Variants in SLITRK4 observed in about 807,000 individuals in gnomAD.
SLITRK4 encodes SLIT and NTRK-like protein 4.
SLITRK4 carries 7 observed loss-of-function variants against 34.7 expected under a neutral mutation model. That is an observed-to-expected ratio of 0.20 (90% confidence interval 0.11 to 0.38). The LOEUF is 0.38. Among genes scored for constraint, SLITRK4 ranks in the 10% least tolerant of loss-of-function variants. SLITRK4 has a pLI of 1.00. For missense variants in SLITRK4, 474 were observed against 607.0 expected, an observed-to-expected ratio of 0.78 and a Z score of 2.30; for synonymous variants, 237 against 246.2, an observed-to-expected ratio of 0.96 and a Z score of 0.35.
chrX:143,629,466 T>C lies in SLITRK4; in HGVS notation c.1643A>G (p.Lys548Arg). The change falls in exon 2 of 2, where the codon AAG (lysine) becomes AGG (arginine). Residue 548 changes from lysine to arginine, a missense_variant. This residue lies in a region of SLITRK4 where 345 missense variants were observed against 406.5 expected (regional missense o/e 0.85). Coordinates refer to ENST00000356928, the MANE Select transcript of SLITRK4 (RefSeq NM_001184749.3). ...DLVALKLWVE[K>R]LSDGIVVKEL... ...TTTCACAACAATCCCGTCGCTCAAC[T>C]TCTCCACCCACAGCTTTAATGCCAC... 4 of 1,211,872 alleles carry C rather than the reference T, an allele frequency of 3.3e-6. No homozygotes were observed. Among genetic ancestry groups the C allele is most frequent in the Non-Finnish European group, 4.5e-6 (4 of 895,567 alleles).
In SLITRK4 at chrX:143,622,868, G is replaced by C. The variant is rs1428403581; in HGVS notation, c.*5727C>G. The C allele has an allele frequency of 9.0e-6, 1 of 111,605 alleles. No individual in the cohort carries two copies. Among genetic ancestry groups the C allele is most frequent in the East Asian group, 2.8e-4 (1 of 3,555 alleles). The allele number at this position is 111,605 out of a possible 1,213,427, so 9.2% of individuals were successfully genotyped here. On this transcript the variant is annotated 3_prime_UTR_variant, in exon 2 of 2. Coordinates refer to ENST00000356928, the MANE Select transcript of SLITRK4 (RefSeq NM_001184749.3). The stretch of plus-strand genomic sequence containing the variant: ...ATCAACTCCAAAAGTTTACCACAAT[G>C]GTTCAGTTTACATGAAACAATGATG...
At position 143,628,091 on chromosome X, in the gene SLITRK4, C is replaced by CTTTTTTTTTTTTTTTTGTTTTTTTT. The variant is rs1930857993; in HGVS notation, c.*503_*504insAAAAAAAACAAAAAAAAAAAAAAAA. On this transcript the variant is annotated 3_prime_UTR_variant, in exon 2 of 2. Coordinates refer to ENST00000356928, the MANE Select transcript of SLITRK4 (RefSeq NM_001184749.3). ...CTATCGAGTGTTCTCTCTTTGCATGCTTTTTTTTTTTTTTTTTTTTTTTTT... is the reference window on the plus strand; with the variant it reads ...CTATCGAGTGTTCTCTCTTTGCATGCTTTTTTTTTTTTTTTTGTTTTTTTTTTTTTTTTTTTTTTTTTTTTTTTTT... 1 of 72,816 alleles carries CTTTTTTTTTTTTTTTTGTTTTTTTT rather than the reference C, an allele frequency of 1.4e-5. No homozygotes were observed. Among genetic ancestry groups the CTTTTTTTTTTTTTTTTGTTTTTTTT allele is most frequent in the Non-Finnish European group, 2.2e-5 (1 of 45,766 alleles). 6.0% of individuals were successfully genotyped at this position (72,816 alleles called of 1,213,427 possible).
At position 143,630,581 on chromosome X, in the gene SLITRK4, T is replaced by C; in HGVS notation, c.528A>G (p.Arg176=). The change falls in exon 2 of 2, where the codon CGA becomes CGG. Residue 176 remains arginine, a synonymous_variant. Coordinates refer to ENST00000356928, the MANE Select transcript of SLITRK4 (RefSeq NM_001184749.3). ...TATCCAGATGGGTCAAAGATGCGAA[T>C]CGGAAAATATTATCAGGAAGGAATG... The part of the protein sequence containing the change: ...LISFLPDNIF[R]FASLTHLDIR... 8.3e-7 allele frequency: 1 copy of C among 1,211,240 alleles called. No homozygotes were observed. The highest frequency in any genetic ancestry group is 1.1e-6 in the Non-Finnish European group (1 of 895,416).
intron 1 of SLITRK4, among the ~76,000 whole-genome samples, chrX:143,635,481 AACACACACACACACACAC>A (rs782006427): frequency 9.6e-4 from 53 of 55,249 alleles, no homozygotes; most frequent in African/African-American, 3.3e-3. Context: ...ATAACGAAGG[AACACACACACACACACAC>A]ACACACACAC....
At position 143,624,527 on chromosome X, in the gene SLITRK4, A is replaced by G. The variant is rs1391368881; in HGVS notation, c.*4068T>C. 1.9e-5 allele frequency: 2 copies of G among 102,923 alleles called. No homozygotes were observed. The highest frequency in any genetic ancestry group is 6.6e-5 in the African/African-American group (2 of 30,311). The allele number at this position is 102,923 out of a possible 1,213,427, so 8.5% of individuals were successfully genotyped here. A position where few individuals can be genotyped will look rare whatever the true frequency, so the allele number is the denominator to read the frequency against. ...CAGTGGGAAGGAACACAGATTGAAA[A>G]TATGTTTCTAAAGAAAGCGTTTTTT... On this transcript the variant is annotated 3_prime_UTR_variant, in exon 2 of 2. Coordinates refer to ENST00000356928, the MANE Select transcript of SLITRK4 (RefSeq NM_001184749.3).
At position 143,630,665 on chromosome X, in the gene SLITRK4, T is replaced by A; in HGVS notation, c.444A>T (p.Arg148=). ...ADYNLIKYIE[R]GAFNKLHKLK... is the part of the protein sequence containing the mutation. ...GTTTGTGGAGCTTATTGAAGGCTCC[T>A]CGTTCAATATACTTGATTAAATTGT... The change falls in exon 2 of 2, where the codon CGA becomes CGT. Residue 148 remains arginine, a synonymous_variant. Coordinates refer to ENST00000356928, the MANE Select transcript of SLITRK4 (RefSeq NM_001184749.3). 1 of 1,211,020 alleles carries A rather than the reference T, an allele frequency of 8.3e-7. No homozygotes were observed. Among genetic ancestry groups the A allele is most frequent in the Non-Finnish European group, 1.1e-6 (1 of 894,998 alleles).
chrX:143,628,195 C>T lies in SLITRK4; in HGVS notation c.*400G>A, dbSNP rs1930875147. 1.0e-5 allele frequency: 2 copies of T among 193,251 alleles called. No individual in the cohort carries two copies. The highest frequency in any genetic ancestry group is 1.8e-5 in the Non-Finnish European group (2 of 111,465). 15.9% of individuals were successfully genotyped at this position (193,251 alleles called of 1,213,427 possible). A position where few individuals can be genotyped will look rare whatever the true frequency, so the allele number is the denominator to read the frequency against. ...AATCAAAAGGATTATTCCAGTTCCA[C>T]CAACTTAATCTACGTGCAAGATAAA... On this transcript the variant is annotated 3_prime_UTR_variant, in exon 2 of 2. Coordinates refer to ENST00000356928, the MANE Select transcript of SLITRK4 (RefSeq NM_001184749.3).
At position 143,625,791 on chromosome X, in the gene SLITRK4, A is replaced by G. The variant is rs1018592592; in HGVS notation, c.*2804T>C. On this transcript the variant is annotated 3_prime_UTR_variant, in exon 2 of 2. Coordinates refer to ENST00000356928, the MANE Select transcript of SLITRK4 (RefSeq NM_001184749.3). ...AGACAGGTGCAAAATTGTATACACT[A>G]TATAATGTAGGCACAATGACTTTAG... 7.1e-5 allele frequency: 8 copies of G among 112,156 alleles called. No homozygotes were observed. In the Admixed American group the frequency reaches 7.6e-4, roughly 11 times the overall value. The allele number at this position is 112,156 out of a possible 1,213,427, so 9.2% of individuals were successfully genotyped here. A position where few individuals can be genotyped will look rare whatever the true frequency, so the allele number is the denominator to read the frequency against.
Position 143,628,177 on chromosome X carries a change from A to G in SLITRK4, c.*418T>C. ...AGTTGTTACAATGCCACAAATCAAA[A>G]GGATTATTCCAGTTCCACCAACTTA... On this transcript the variant is annotated 3_prime_UTR_variant, in exon 2 of 2. Transcript: ENST00000356928. 3.7e-6 allele frequency: 1 copy of G among 270,783 alleles called. No homozygotes were observed. The highest frequency in any genetic ancestry group is 2.3e-4 in the South Asian group (1 of 4,265). 22.3% of individuals were successfully genotyped at this position (270,783 alleles called of 1,213,427 possible).
chrX:143,634,439 G>C (rs1374948985), intron 1 of SLITRK4: 3 of 111,043 alleles, frequency 2.7e-5, no homozygotes, highest in Admixed American at 9.5e-5. Flanking sequence ...GCTGCGAGTG[G>C]GGTGCAAAAA....
chrX:143,630,625 G>A lies in SLITRK4; in HGVS notation c.484C>T (p.Leu162Phe). The change falls in exon 2 of 2, where the codon CTT (leucine) becomes TTT (phenylalanine). Residue 162 changes from leucine (L) to phenylalanine (F), a missense_variant. Transcript: ENST00000356928. The part of the protein sequence containing the change: ...NKLHKLKVLI[L>F]NDNLISFLPD... ...AGGAATGAAATCAGATTGTCATTAA[G>A]AATGAGAACTTTCAGTTTGTGGAGC... The A allele has an allele frequency of 8.3e-7, 1 of 1,211,270 alleles. No individual in the cohort carries two copies. Among genetic ancestry groups the A allele is most frequent in the Non-Finnish European group, 1.1e-6 (1 of 895,056 alleles).
chrX:143,626,829 T>C lies in SLITRK4; in HGVS notation c.*1766A>G, dbSNP rs1930803549. Reference sequence around the variant, plus strand: ...ATATATGTATACACACACACATACATATATGTATATATATACACACACATA... The same window carrying C: ...ATATATGTATACACACACACATACACATATGTATATATATACACACACATA... On this transcript the variant is annotated 3_prime_UTR_variant, in exon 2 of 2. Transcript: ENST00000356928. The C allele has an allele frequency of 9.3e-6, 1 of 106,955 alleles. No homozygotes were observed. Among genetic ancestry groups the C allele is most frequent in the South Asian group, 3.9e-4 (1 of 2,553 alleles). 8.8% of individuals were successfully genotyped at this position (106,955 alleles called of 1,213,427 possible). A position where few individuals can be genotyped will look rare whatever the true frequency, so the allele number is the denominator to read the frequency against.
At position 143,628,688 on chromosome X, in the gene SLITRK4, C is replaced by G. The variant is rs1251514394; in HGVS notation, c.2421G>C (p.Arg807Ser). 1 of 1,210,110 alleles carries G rather than the reference C, an allele frequency of 8.3e-7. No homozygotes were observed. Among genetic ancestry groups the G allele is most frequent in the Non-Finnish European group, 1.1e-6 (1 of 895,282 alleles). ...GNHSKIVVEQRKSEYFELKAK... is the reference protein window; with the variant it reads ...GNHSKIVVEQSKSEYFELKAK... Reference sequence around the variant, plus strand: ...CCTTCAGTTCAAAATACTCACTCTTCCTTTGTTCCACAACAATTTTACTGT... The same window carrying G: ...CCTTCAGTTCAAAATACTCACTCTTGCTTTGTTCCACAACAATTTTACTGT... Residue 807 changes from arginine (R) to serine (S), a missense_variant, in exon 2 of 2, where the codon AGG (arginine) becomes AGC (serine). This residue lies in a region of SLITRK4 where 345 missense variants were observed against 406.5 expected (regional missense o/e 0.85). Transcript: ENST00000356928.
intron 1 of SLITRK4, chrX:143,634,539 T>TG (rs200358161): frequency 0.072 from 3,847 of 53,587 alleles, 170 homozygotes; most frequent in African/African-American, 0.17. Flanking sequence ...TGGGGTATGG[T>TG]GGGGGGGGGG....
intron 1 of SLITRK4, among the ~76,000 whole-genome samples, chrX:143,632,777 G>A (rs782795078): frequency 8.9e-6 from 1 of 111,856 alleles, no homozygotes; most frequent in African/African-American, 3.3e-5. Context: ...TTCACCATGA[G>A]AGCATGATTG....
chrX:143,631,744 T>C (rs1931046320), intron 1 of SLITRK4, among the ~76,000 whole-genome samples: 1 of 111,400 alleles, frequency 9.0e-6, no homozygotes, highest in African/African-American at 3.3e-5. Flanking sequence ...GCTTGTGCTG[T>C]AGCCCCATAG....
rs952619301 is a variant in SLITRK4, at chrX:143,623,413, C to T, written c.*5182G>A. On this transcript the variant is annotated 3_prime_UTR_variant, in exon 2 of 2. Transcript: ENST00000356928. ...TGCCTCAGAGCCCTACTTTATTTTC[C>T]CCTTGTAGACATAAGAACAACAGGT... 1 of 109,224 alleles carries T rather than the reference C, an allele frequency of 9.2e-6. No homozygotes were observed. The highest frequency in any genetic ancestry group is 9.9e-5 in the Admixed American group (1 of 10,109). 9.0% of individuals were successfully genotyped at this position (109,224 alleles called of 1,213,427 possible).
chrX:143,628,374 C>A lies in SLITRK4; in HGVS notation c.*221G>T. On this transcript the variant is annotated 3_prime_UTR_variant, in exon 2 of 2. Coordinates refer to ENST00000356928, the MANE Select transcript of SLITRK4 (RefSeq NM_001184749.3). ...AGCATCCCTTTGGCAATAGAGTTTG[C>A]AGTATCCCCACAGGACTCCACAGTA... The A allele has an allele frequency of 2.7e-6, 1 of 364,536 alleles. No homozygotes were observed. Among genetic ancestry groups the A allele is most frequent in the Non-Finnish European group, 4.7e-6 (1 of 214,451 alleles). 30.0% of individuals were successfully genotyped at this position (364,536 alleles called of 1,213,427 possible).
chrX:143,635,831 A>G lies in SLITRK4; in HGVS notation c.-147T>C, dbSNP rs1931221273. 1 of 110,600 alleles carries G rather than the reference A, an allele frequency of 9.0e-6. No homozygotes were observed. The highest frequency in any genetic ancestry group is 3.3e-5 in the African/African-American group (1 of 30,358). The allele number at this position is 110,600 out of a possible 1,213,427, so 9.1% of individuals were successfully genotyped here. On this transcript the variant is annotated 5_prime_UTR_variant, in exon 1 of 2. Transcript: ENST00000356928. ...GAGCCTTCTTGGGAACCAATTTCCTAGGATCCAGTAGTATTCGCACTCCCC... is the reference window on the plus strand; with the variant it reads ...GAGCCTTCTTGGGAACCAATTTCCTGGGATCCAGTAGTATTCGCACTCCCC...
Sources: gnomAD v4.1 joint callset for allele counts (sites outside exome capture counted in the v4.1 genomes callset) on GRCh38, gnomAD v4.1.1 for gene constraint, gnomAD v4.1.1 regional missense constraint, MANE v1.5 for transcripts, NCBI Gene and HGNC (gene_info 2026-07-23, HGNC 2026-07-21) for gene names.